The following CNKSR2 variants were observed in gnomAD, a reference collection of about 807,000 sequenced individuals.
CNKSR2 encodes connector enhancer of kinase suppressor of Ras 2, also known as CNK homolog protein 2.
Under a neutral mutation model 84.4 loss-of-function variants are expected in CNKSR2, and 14 were observed. The ratio of observed to expected loss-of-function variants is 0.17; its 90% CI spans 0.11 to 0.26. The LOEUF (loss-of-function observed/expected upper bound fraction) is 0.26. Among genes scored for constraint, CNKSR2 ranks in the 10% least tolerant of loss-of-function variants. CNKSR2 has a pLI of 1.00. For missense variants in CNKSR2, 485 were observed against 771.2 expected, an observed-to-expected ratio of 0.63 and a Z score of 4.40; for synonymous variants, 275 against 277.9, an observed-to-expected ratio of 0.99 and a Z score of 0.10.
chrX:21,501,549 T>C lies in CNKSR2; in HGVS notation c.771T>C (p.His257=), dbSNP rs1055774769. 1 of 1,173,420 alleles carries C rather than the reference T, an allele frequency of 8.5e-7. No individual in the cohort carries two copies. The highest frequency in any genetic ancestry group is 3.0e-5 in the East Asian group (1 of 32,889). Residue 257 remains histidine (H), a synonymous_variant, in exon 8 of 22, where the codon CAT becomes CAC. Coordinates refer to ENST00000379510, the MANE Select transcript of CNKSR2 (RefSeq NM_014927.5). ...NSPADRCKKI[H]AGDEVIQVNH... is the part of the protein sequence containing the mutation. Reference sequence around the variant, plus strand: ...CTGCAGATCGGTGCAAGAAAATCCATGCTGGCGATGAAGTGATTCAAGTTA... The same window carrying C: ...CTGCAGATCGGTGCAAGAAAATCCACGCTGGCGATGAAGTGATTCAAGTTA...
intron 11 of CNKSR2, among the ~76,000 whole-genome samples, chrX:21,547,077 A>C (rs1002043363): frequency 1.8e-5 from 2 of 111,845 alleles, no homozygotes; most frequent in Non-Finnish European, 3.8e-5. Flanking sequence ...CTCACATAAC[A>C]ATATTAACCT....
At chrX:21,402,387 T>G (rs1427577645) in intron 1 of CNKSR2, among the ~76,000 whole-genome samples, 5 of 111,702 alleles carry the variant, frequency 4.5e-5, no homozygotes, top group African/African-American at 1.6e-4. Context: ...TGCTGAAGAC[T>G]ATATTTGAAG....
chrX:21,374,970 C>T lies in CNKSR2; in HGVS notation c.64+9C>T. On this transcript the variant is annotated intron_variant, in intron 1 of 21. Transcript: ENST00000379510. ...AGTGGACTGGATGAAAGGTAATGCC[C>T]GCTGCGGGGAGGGTGAGGCGGCACT... 8.4e-7 allele frequency: 1 copy of T among 1,197,572 alleles called. No individual in the cohort carries two copies. Among genetic ancestry groups the T allele is most frequent in the Non-Finnish European group, 1.1e-6 (1 of 882,324 alleles).
chrX:21,473,745 GT>G (rs768497403), intron 5 of CNKSR2, among the ~76,000 whole-genome samples: 2,176 of 67,107 alleles, frequency 0.032, 27 homozygotes, highest in African/African-American at 0.073. Context: ...TGTTGGTTTG[GT>G]TTTTTTTTTT....
chrX:21,516,943 A>G lies in CNKSR2; in HGVS notation c.957+312A>G, dbSNP rs141855603. Among the ~76,000 whole-genome samples the G allele has an allele frequency of 9.7e-3, 1,087 of 111,904 alleles. 13 individuals carry two copies. The highest frequency in any genetic ancestry group is 0.032 in the African/African-American group (981 of 30,835). On this transcript the variant is annotated intron_variant, in intron 9 of 21. Transcript: ENST00000379510. ...GAAAATAAGATGGTTCGTTTTTATG[A>G]TATGATCTTCTATTTTATGTTATAC...
At chrX:21,473,625 C>T (rs1363328582) in intron 5 of CNKSR2, among the ~76,000 whole-genome samples, 3 of 107,546 alleles carry the variant, frequency 2.8e-5, no homozygotes, top group Non-Finnish European at 5.7e-5. Flanking sequence ...ATGATTGTTG[C>T]TAGGATAAAA....
intron 5 of CNKSR2, among the ~76,000 whole-genome samples, chrX:21,485,787 A>T (rs1394333828): frequency 4.5e-5 from 5 of 111,910 alleles, no homozygotes; most frequent in Non-Finnish European, 7.5e-5. Context: ...CTATTCTTTA[A>T]TTTTAGGTAC....
intron 4 of CNKSR2, among the ~76,000 whole-genome samples, chrX:21,455,330 C>T (rs954424600): frequency 3.6e-5 from 4 of 110,938 alleles, no homozygotes; most frequent in African/African-American, 1.3e-4. Context: ...CATGAAAATC[C>T]AACTATTTTT....
intron 11 of CNKSR2, among the ~76,000 whole-genome samples, chrX:21,557,636 G>T (rs1747314553): frequency 9.0e-6 from 1 of 111,078 alleles, no homozygotes; most frequent in Non-Finnish European, 1.9e-5. Context: ...AATGAACTCT[G>T]CAATTAATGC....
rs1363896919 is a variant in CNKSR2 at position 21,426,657 on chromosome X, A to C, written c.225A>C (p.Ala75=). The change falls in exon 2 of 22, where the codon GCA becomes GCC. Residue 75 remains alanine (A), a synonymous_variant. Transcript: ENST00000379510. ...LILEAVDLLC[A]LNYGLETENL... ...TGGAAGCAGTTGACCTTCTGTGTGC[A>C]TTGGTAAGGACATAAAACTGGTGAA... 4.2e-6 allele frequency: 5 copies of C among 1,195,137 alleles called. No homozygotes were observed. The highest frequency in any genetic ancestry group is 5.6e-6 in the Non-Finnish European group (5 of 890,199).
intron 3 of CNKSR2, among the ~76,000 whole-genome samples, chrX:21,437,567 C>A (rs2090725557): frequency 9.3e-6 from 1 of 107,687 alleles, no homozygotes; most frequent in South Asian, 4.2e-4. Flanking sequence ...TTACAGGCAC[C>A]CGTCACCATG....
intron 9 of CNKSR2, among the ~76,000 whole-genome samples, chrX:21,523,296 A>G (rs770102252): frequency 9.0e-6 from 1 of 111,187 alleles, no homozygotes; most frequent in African/African-American, 3.2e-5. Flanking sequence ...ACAGAAGATC[A>G]AGTTATGCTG....
intron 13 of CNKSR2, among the ~76,000 whole-genome samples, chrX:21,578,480 T>A (rs974920696): frequency 6.4e-5 from 7 of 109,583 alleles, no homozygotes; most frequent in African/African-American, 2.3e-4. Context: ...TTAAATCAGC[T>A]ATAAAAAGCT....
At chrX:21,522,644 T>C (rs1419716411) in intron 9 of CNKSR2, among the ~76,000 whole-genome samples, 3 of 110,881 alleles carry the variant, frequency 2.7e-5, no homozygotes, top group African/African-American at 6.5e-5. Flanking sequence ...ACCTTCTATA[T>C]GTGCTCAGTT....
chrX:21,601,999 C>A (rs1170482701), intron 18 of CNKSR2, among the ~76,000 whole-genome samples: 1 of 112,305 alleles, frequency 8.9e-6, no homozygotes, highest in Non-Finnish European at 1.9e-5. Flanking sequence ...GATTGACATA[C>A]TTATAAACAC....
At chrX:21,484,957 G>T (rs1418179810) in intron 5 of CNKSR2, among the ~76,000 whole-genome samples, 1 of 111,531 alleles carries the variant, frequency 9.0e-6, no homozygotes, top group Non-Finnish European at 1.9e-5. Context: ...GCCAAGGCAG[G>T]CGAATCATGA....
chrX:21,422,619 T>G (rs2090512514), intron 1 of CNKSR2, among the ~76,000 whole-genome samples: 1 of 112,468 alleles, frequency 8.9e-6, no homozygotes, highest in Non-Finnish European at 1.9e-5. Flanking sequence ...AGCCTTGCTG[T>G]AAGAAACAGT....
intron 20 of CNKSR2, among the ~76,000 whole-genome samples, chrX:21,638,152 A>T (rs2092680088): frequency 8.9e-6 from 1 of 111,819 alleles, no homozygotes; most frequent in South Asian, 3.7e-4. Context: ...TTTATTTTCA[A>T]CTGTTTTATA....
rs2092539094 is a variant in CNKSR2 at position 21,609,568 on chromosome X, G to A, written c.2643G>A (p.Glu881=). Reference sequence around the variant, plus strand: ...CCCCAGAGGTGGAGGAAGAGGAGGAGGAGGAGGAGGAGGAAGGGGAGGCAG... The same window carrying A: ...CCCCAGAGGTGGAGGAAGAGGAGGAAGAGGAGGAGGAGGAAGGGGAGGCAG... The part of the protein sequence containing the change: ...VQPPEVEEEE[E]EEEEEGEAAG... Residue 881 remains glutamate (E), a synonymous_variant, in exon 20 of 22, where the codon GAG becomes GAA. Transcript: ENST00000379510. 8.3e-7 allele frequency: 1 copy of A among 1,208,756 alleles called. No individual in the cohort carries two copies. The highest frequency in any genetic ancestry group is 1.7e-5 in the African/African-American group (1 of 57,650).
Sources: allele counts gnomAD v4.1 joint callset (sites outside exome capture counted in the v4.1 genomes callset), GRCh38; gene constraint gnomAD v4.1.1; transcripts MANE v1.5; gene names NCBI Gene and HGNC (gene_info 2026-07-23, HGNC 2026-07-21).